Variants in RNF112 observed in about 807,000 individuals in gnomAD.
The protein encoded by RNF112 is ring finger protein 112.
A neutral mutation model predicts 64.7 loss-of-function variants in RNF112; 34 were observed. The observed-to-expected ratio is 0.53, with a 90% CI of 0.40 to 0.70. The LOEUF is 0.70. Among genes scored for constraint, RNF112 ranks in the 30% least tolerant of loss-of-function variants. RNF112 has a pLI of 0.00. For missense variants in RNF112, 734 were observed against 850.0 expected, an observed-to-expected ratio of 0.86 and a Z score of 1.70; for synonymous variants, 345 against 344.5, an observed-to-expected ratio of 1.00 and a Z score of -0.02.
In RNF112 at chr17:19,413,049, A is replaced by C; in HGVS notation, c.493A>C (p.Arg165=). Reference sequence around the variant, plus strand: ...CCGCTGCCTGAAGCACCCTCTGGCCAGGGACACCCCAGTCTGCCTCCTCGC... The same window carrying C: ...CCGCTGCCTGAAGCACCCTCTGGCCCGGGACACCCCAGTCTGCCTCCTCGC... ...INRCLKHPLA[R]DTPVCLLAVL... The change falls in exon 4 of 14, where the codon AGG becomes CGG. Residue 165 remains arginine (R), a synonymous_variant. Transcript: ENST00000461366. The surrounding 1 kb of genome is among the most constrained non-coding windows in gnomAD (Gnocchi z 5.9). 6.2e-7 allele frequency: 1 copy of C among 1,613,110 alleles called. No homozygotes were observed. Among genetic ancestry groups the C allele is most frequent in the Non-Finnish European group, 8.5e-7 (1 of 1,179,750 alleles).
Position 19,415,509 on chromosome 17 carries a change from C to T in RNF112, c.1351-9C>T, listed in dbSNP as rs188837488. 1.6e-4 allele frequency: 256 copies of T among 1,608,796 alleles called. No homozygotes were observed. The highest frequency in any genetic ancestry group is 5.1e-4 in the Admixed American group (30 of 59,230). On this transcript the variant is annotated splice_polypyrimidine_tract_variant and intron_variant, in intron 12 of 13. Transcript: ENST00000461366. The surrounding 1 kb of genome is among the most constrained non-coding windows in gnomAD (Gnocchi z 7.8). ...AGGAAGGAGGCAGCCTGGGTTTTCCCGTGGACAGATGGCTGCTCAGCTGCA... is the reference window on the plus strand; with the variant it reads ...AGGAAGGAGGCAGCCTGGGTTTTCCTGTGGACAGATGGCTGCTCAGCTGCA...
In RNF112 at chr17:19,415,490, G is replaced by A. The variant is rs749622341; in HGVS notation, c.1351-28G>A. 4.4e-6 allele frequency: 7 copies of A among 1,599,068 alleles called. No homozygotes were observed. Among genetic ancestry groups the A allele is most frequent in the Non-Finnish European group, 6.0e-6 (7 of 1,173,046 alleles). ...CGCCCCTGGCTGAGAAGGAAGGAAGGAGGCAGCCTGGGTTTTCCCGTGGAC... is the reference window on the plus strand; with the variant it reads ...CGCCCCTGGCTGAGAAGGAAGGAAGAAGGCAGCCTGGGTTTTCCCGTGGAC... On this transcript the variant is annotated intron_variant, in intron 12 of 13. Coordinates refer to ENST00000461366, the MANE Select transcript of RNF112 (RefSeq NM_007148.5). This position sits in a 1 kb window ranked among gnomAD's most constrained non-coding sequence, Gnocchi z 7.8.
In RNF112 at chr17:19,412,044, T is replaced by C. The variant is rs1443602066; in HGVS notation, c.95+374T>C. Reference sequence around the variant, plus strand: ...CGCTGTAGAACGCCGGGAGAGGCTCTTCCCAAGCATTTGCACCAGGCACTG... The same window carrying C: ...CGCTGTAGAACGCCGGGAGAGGCTCCTCCCAAGCATTTGCACCAGGCACTG... On this transcript the variant is annotated intron_variant, in intron 2 of 13. Coordinates refer to ENST00000461366, the MANE Select transcript of RNF112 (RefSeq NM_007148.5). The surrounding 1 kb of genome is among the most constrained non-coding windows in gnomAD (Gnocchi z 5.1). Among the ~76,000 whole-genome samples the C allele has an allele frequency of 6.6e-6, 1 of 152,192 alleles. No homozygotes were observed. Among genetic ancestry groups the C allele is most frequent in the African/African-American group, 2.4e-5 (1 of 41,450 alleles).
rs1463108665 is a variant in RNF112, at chr17:19,414,688, G to A, written c.1008+28G>A. 2.5e-6 allele frequency: 4 copies of A among 1,610,672 alleles called. No individual in the cohort carries two copies. The African/African-American group carries it at 4.0e-5, about 16-fold the overall frequency. ...GAGTGGTGCAAGGGGATGGGGTGGA[G>A]GGGCCATGGACAGGGCAGAGGTGGG... On this transcript the variant is annotated intron_variant, in intron 9 of 13. Coordinates refer to ENST00000461366, the MANE Select transcript of RNF112 (RefSeq NM_007148.5).
rs748837703 is a variant in RNF112, at chr17:19,414,485, T to G, written c.913T>G (p.Tyr305Asp). Residue 305 changes from tyrosine (Y) to aspartate (D), a missense_variant, in exon 8 of 14, where the codon TAT becomes GAT. Physicochemically the swap from Tyr to Asp is radical, Grantham distance 160 (BLOSUM62 -3). Transcript: ENST00000461366. ...VHVAEVMGKH[Y>D]GMVPIQHLDL... ...CGTGGCCGAGGTGATGGGCAAGCAT[T>G]ATGGGATGGTGCCAATCCAGGTGAG... 1 of 1,613,962 alleles carries G rather than the reference T, an allele frequency of 6.2e-7. No homozygotes were observed. Among genetic ancestry groups the G allele is most frequent in the Non-Finnish European group, 8.5e-7 (1 of 1,179,872 alleles).
chr17:19,415,397 G>GACA lies in RNF112; in HGVS notation c.1350+58_1350+59insACA. 1.3e-6 allele frequency: 2 copies of GACA among 1,551,784 alleles called. No homozygotes were observed. Among genetic ancestry groups the GACA allele is most frequent in the Non-Finnish European group, 1.7e-6 (2 of 1,147,682 alleles). ...GGGAGACAGGGGAGGCAGGGAGGTGGGGGCTGTGCCGAGGCCTCCGGGGTG... is the reference window on the plus strand; with the variant it reads ...GGGAGACAGGGGAGGCAGGGAGGTGGACAGGGCTGTGCCGAGGCCTCCGGGGTG... On this transcript the variant is annotated intron_variant, in intron 12 of 13. Transcript: ENST00000461366. This position sits in a 1 kb window ranked among gnomAD's most constrained non-coding sequence, Gnocchi z 7.8.
rs1434886665 is a variant in RNF112, at chr17:19,414,923, GCTCCCAGCTCCC to G, written c.1126+41_1126+52del. 3.1e-6 allele frequency: 5 copies of G among 1,598,958 alleles called. No individual in the cohort carries two copies. In the African/African-American group the frequency reaches 6.7e-5, roughly 21 times the overall value. The stretch of plus-strand genomic sequence containing the variant: ...CTGAGAGCTGAACCTCTCTTGCGCT[GCTCCCAGCTCCC>G]CTCCGGCAACCGAGCCCCTTGAAGC... On this transcript the variant is annotated intron_variant, in intron 10 of 13. Coordinates refer to ENST00000461366, the MANE Select transcript of RNF112 (RefSeq NM_007148.5).
At position 19,413,717 on chromosome 17, in the gene RNF112, A is replaced by T; in HGVS notation, c.825+36A>T. 6.9e-7 allele frequency: 1 copy of T among 1,455,016 alleles called. No individual in the cohort carries two copies. The highest frequency in any genetic ancestry group is 9.4e-7 in the Non-Finnish European group (1 of 1,060,808). The allele number at this position is 1,455,016 out of a possible 1,614,324, so 90.1% of individuals were successfully genotyped here. ...GCGCTGATGTTGGCATCCCCACCCC[A>T]CACACCCTTCTCCAGCTCAGCTTCC... On this transcript the variant is annotated intron_variant, in intron 6 of 13. Coordinates refer to ENST00000461366, the MANE Select transcript of RNF112 (RefSeq NM_007148.5). This position sits in a 1 kb window ranked among gnomAD's most constrained non-coding sequence, Gnocchi z 5.9.
At position 19,415,885 on chromosome 17, in the gene RNF112, A is replaced by C. The variant is rs757799190; in HGVS notation, c.1606A>C (p.Met536Leu). The change falls in exon 14 of 14, where the codon ATG becomes CTG. Residue 536 changes from methionine to leucine, a missense_variant. Physicochemically the swap from Met to Leu is conservative, Grantham distance 15 (BLOSUM62 2). Coordinates refer to ENST00000461366, the MANE Select transcript of RNF112 (RefSeq NM_007148.5). The surrounding 1 kb of genome is among the most constrained non-coding windows in gnomAD (Gnocchi z 7.8). ...AELQATAKAFMDSYTMRFCGH... is the reference protein window; with the variant it reads ...AELQATAKAFLDSYTMRFCGH... ...GCTGCAGGCCACGGCCAAGGCCTTC[A>C]TGGACTCCTACACGATGCGCTTCTG... 1 of 1,613,462 alleles carries C rather than the reference A, an allele frequency of 6.2e-7. No homozygotes were observed. The highest frequency in any genetic ancestry group is 8.5e-7 in the Non-Finnish European group (1 of 1,179,772).
rs1250755640 is a variant in RNF112 at position 19,413,742 on chromosome 17, C to T, written c.825+61C>T. ...ACACACCCTTCTCCAGCTCAGCTTC[C>T]TCAAGGCCAGAGCATCTCACAGGCT... On this transcript the variant is annotated intron_variant, in intron 6 of 13. Coordinates refer to ENST00000461366, the MANE Select transcript of RNF112 (RefSeq NM_007148.5). This position sits in a 1 kb window ranked among gnomAD's most constrained non-coding sequence, Gnocchi z 5.9. 3.1e-6 allele frequency: 4 copies of T among 1,291,862 alleles called. No individual in the cohort carries two copies. Among genetic ancestry groups the T allele is most frequent in the Non-Finnish European group, 4.3e-6 (4 of 927,598 alleles). The allele number at this position is 1,291,862 out of a possible 1,614,324, so 80.0% of individuals were successfully genotyped here. A position where few individuals can be genotyped will look rare whatever the true frequency, so the allele number is the denominator to read the frequency against.
chr17:19,415,693 T>A lies in RNF112; in HGVS notation c.1426-12T>A, dbSNP rs1567937152. 1 of 1,602,252 alleles carries A rather than the reference T, an allele frequency of 6.2e-7. No individual in the cohort carries two copies. Among genetic ancestry groups the A allele is most frequent in the South Asian group, 1.1e-5 (1 of 89,572 alleles). On this transcript the variant is annotated splice_polypyrimidine_tract_variant and intron_variant, in intron 13 of 13. Coordinates refer to ENST00000461366, the MANE Select transcript of RNF112 (RefSeq NM_007148.5). This position sits in a 1 kb window ranked among gnomAD's most constrained non-coding sequence, Gnocchi z 7.8. ...CTGGTCAGGGCACCTTCTTTTCCCCTCCCTGTCACAGGACGTAGCCACCAA... is the reference window on the plus strand; with the variant it reads ...CTGGTCAGGGCACCTTCTTTTCCCCACCCTGTCACAGGACGTAGCCACCAA...
chr17:19,416,171 A>G lies in RNF112; in HGVS notation c.1892A>G (p.Glu631Gly). ...EGDREPLLQE[E>G] ...GACCGAGAGCCCCTTCTCCAGGAAG[A>G]GTAACAGCCCCAGGAGGTATTGAAG... The change falls in exon 14 of 14, where the codon GAG becomes GGG. Residue 631 changes from glutamate (E) to glycine (G), a missense_variant. Glu to Gly is a moderately conservative substitution (Grantham distance 98). Transcript: ENST00000461366. 4 of 1,554,154 alleles carry G rather than the reference A, an allele frequency of 2.6e-6. No individual in the cohort carries two copies. The highest frequency in any genetic ancestry group is 3.5e-6 in the Non-Finnish European group (4 of 1,149,414).
chr17:19,415,844 A>G lies in RNF112; in HGVS notation c.1565A>G (p.Glu522Gly), dbSNP rs746896876. 4 of 1,613,614 alleles carry G rather than the reference A, an allele frequency of 2.5e-6. No homozygotes were observed. In the East Asian group the frequency reaches 8.9e-5, roughly 36 times the overall value. ...TGCAAGGGGAGAGATCAGACCTTGG[A>G]GGCACTGGAAGCTGAGCTGCAGGCC... is the stretch of plus-strand genomic sequence containing the variant. ...LLCKGRDQTLEALEAELQATA... is the reference protein window; with the variant it reads ...LLCKGRDQTLGALEAELQATA... Residue 522 changes from glutamate to glycine, a missense_variant, in exon 14 of 14, where the codon GAG (glutamate) becomes GGG (glycine). Physicochemically the swap from Glu to Gly is moderately conservative, Grantham distance 98. Transcript: ENST00000461366. The surrounding 1 kb of genome is among the most constrained non-coding windows in gnomAD (Gnocchi z 7.8).
chr17:19,412,933 C>G lies in RNF112; in HGVS notation c.382-5C>G, dbSNP rs1953348793. On this transcript the variant is annotated splice_region_variant and splice_polypyrimidine_tract_variant and intron_variant, in intron 3 of 13. Coordinates refer to ENST00000461366, the MANE Select transcript of RNF112 (RefSeq NM_007148.5). The surrounding 1 kb of genome is among the most constrained non-coding windows in gnomAD (Gnocchi z 5.1). ...CTCAGGGGCCCCTCTCTTCTCCTGGCCCAGGAGACGTGTCCTGTGAGGGCG... is the reference window on the plus strand; with the variant it reads ...CTCAGGGGCCCCTCTCTTCTCCTGGGCCAGGAGACGTGTCCTGTGAGGGCG... 3 of 1,579,708 alleles carry G rather than the reference C, an allele frequency of 1.9e-6. No individual in the cohort carries two copies. Among genetic ancestry groups the G allele is most frequent in the Non-Finnish European group, 2.6e-6 (3 of 1,162,878 alleles).
chr17:19,416,520 G>C lies in RNF112; in HGVS notation c.*345G>C, dbSNP rs1048604220. The C allele has an allele frequency of 1.3e-4, 31 of 237,796 alleles. No homozygotes were observed. The highest frequency in any genetic ancestry group is 1.4e-4 in the Non-Finnish European group (17 of 121,922). 14.7% of individuals were successfully genotyped at this position (237,796 alleles called of 1,614,324 possible). A position where few individuals can be genotyped will look rare whatever the true frequency, so the allele number is the denominator to read the frequency against. On this transcript the variant is annotated 3_prime_UTR_variant, in exon 14 of 14. Transcript: ENST00000461366. ...ATTTCCCCGATGACCCTGGATTGTA[G>C]GAAAGTTAAGCAGGCACCATCCTGG...
chr17:19,412,827 T>C lies in RNF112; in HGVS notation c.381+44T>C, dbSNP rs758499564. Reference sequence around the variant, plus strand: ...ATCAGTCAGACCCAAGAGGAGGGGGTGGCTTTGGCCCTATTCTAGAACATC... The same window carrying C: ...ATCAGTCAGACCCAAGAGGAGGGGGCGGCTTTGGCCCTATTCTAGAACATC... On this transcript the variant is annotated intron_variant, in intron 3 of 13. Transcript: ENST00000461366. The surrounding 1 kb of genome is among the most constrained non-coding windows in gnomAD (Gnocchi z 5.1). 1.3e-6 allele frequency: 2 copies of C among 1,593,732 alleles called. No individual in the cohort carries two copies. Among genetic ancestry groups the C allele is most frequent in the African/African-American group, 2.7e-5 (2 of 73,328 alleles).
rs1913766859 is a variant in RNF112, at chr17:19,413,780, G to A, written c.825+99G>A. 6.6e-6 allele frequency: 6 copies of A among 906,460 alleles called. No individual in the cohort carries two copies. The East Asian group carries it at 1.6e-4, about 24-fold the overall frequency. The allele number at this position is 906,460 out of a possible 1,614,324, so 56.2% of individuals were successfully genotyped here. A position where few individuals can be genotyped will look rare whatever the true frequency, so the allele number is the denominator to read the frequency against. On this transcript the variant is annotated intron_variant, in intron 6 of 13. Coordinates refer to ENST00000461366, the MANE Select transcript of RNF112 (RefSeq NM_007148.5). The surrounding 1 kb of genome is among the most constrained non-coding windows in gnomAD (Gnocchi z 5.9). ...CATCTCACAGGCTTTGGTGTCTGGG[G>A]TCCTGATAGGTTCTGGGGCTGCCTT...
At position 19,412,810 on chromosome 17, in the gene RNF112, G is replaced by C. The variant is rs766137463; in HGVS notation, c.381+27G>C. On this transcript the variant is annotated intron_variant, in intron 3 of 13. Transcript: ENST00000461366. The surrounding 1 kb of genome is among the most constrained non-coding windows in gnomAD (Gnocchi z 5.1). ...TCTGGGGACTGGGCCTAATCAGTCA[G>C]ACCCAAGAGGAGGGGGTGGCTTTGG... is the stretch of plus-strand genomic sequence containing the variant. 3.8e-6 allele frequency: 6 copies of C among 1,598,122 alleles called. No homozygotes were observed. In the East Asian group the frequency reaches 1.3e-4, roughly 36 times the overall value.
chr17:19,414,600 A>G lies in RNF112; in HGVS notation c.948A>G (p.Leu316=), dbSNP rs1231196416. The change falls in exon 9 of 14, where the codon TTA becomes TTG. Residue 316 remains leucine (L), a synonymous_variant. Transcript: ENST00000461366. ...TTCTCTTTCAGCATCTGGACCTCTT[A>G]GTTCGTGACTCATCCCACCCCAACA... ...GMVPIQHLDL[L]VRDSSHPNKA... The G allele has an allele frequency of 1.9e-6, 3 of 1,613,626 alleles. No homozygotes were observed. The highest frequency in any genetic ancestry group is 2.5e-6 in the Non-Finnish European group (3 of 1,179,850).
Sources: gnomAD v4.1 joint callset for allele counts (sites outside exome capture counted in the v4.1 genomes callset) on GRCh38, gnomAD v4.1.1 for gene constraint, Gnocchi (gnomAD v3.1) non-coding constraint, MANE v1.5 for transcripts, NCBI Gene and HGNC (gene_info 2026-07-23, HGNC 2026-07-21) for gene names.